The following BRIP1 variants were observed in gnomAD, a reference collection of about 807,000 sequenced individuals.
BRIP1 encodes the protein BRCA1 interacting DNA helicase 1.
BRIP1 carries 88 observed loss-of-function variants against 119.7 expected under a neutral mutation model. The ratio of observed to expected loss-of-function variants is 0.74; its 90% CI spans 0.62 to 0.88. The LOEUF (loss-of-function observed/expected upper bound fraction) is 0.88, where lower values mean the gene tolerates loss of function less well. BRIP1 is among the 40% of genes least tolerant of loss of function. The probability of loss-of-function intolerance (pLI) is 0.00; values close to 1 mark genes in which losing one functional copy is unlikely to be tolerated. For synonymous variants in BRIP1, 443 were observed against 496.5 expected, an observed-to-expected ratio of 0.89 and a Z score of 1.43; for missense variants, 1,259 against 1,455.4, an observed-to-expected ratio of 0.87 and a Z score of 2.20.
rs919143537 is a variant in BRIP1 at position 61,851,342 on chromosome 17, A to G, written c.380-2086T>C. Among the ~76,000 whole-genome samples, 11 of 152,220 alleles carry G rather than the reference A, an allele frequency of 7.2e-5. No homozygotes were observed. Among genetic ancestry groups the G allele is most frequent in the Admixed American group, 2.0e-4 (3 of 15,288 alleles). ...TTATGAGTCATGTTTCTTTCTTTAT[A>G]AGGTTCTTAGAAACACAGTTTGAAA... On this transcript the variant is annotated intron_variant, in intron 4 of 19. Coordinates refer to ENST00000259008, the MANE Select transcript of BRIP1 (RefSeq NM_032043.3). The surrounding 1 kb of genome is among the most constrained non-coding windows in gnomAD (Gnocchi z 4.6).
In BRIP1 at chr17:61,769,800, C is replaced by T. The variant is rs1372112785; in HGVS notation, c.2097+6601G>A. On this transcript the variant is annotated intron_variant, in intron 14 of 19. Coordinates refer to ENST00000259008, the MANE Select transcript of BRIP1 (RefSeq NM_032043.3). This position sits in a 1 kb window ranked among gnomAD's most constrained non-coding sequence, Gnocchi z 4.9. ...AAGATATGCTTACTGGGACAGCGGC[C>T]ACTAAAACATAAATTGACAGAAATA... is the stretch of plus-strand genomic sequence containing the variant. Among the ~76,000 whole-genome samples the T allele has an allele frequency of 6.6e-6, 1 of 152,084 alleles. No homozygotes were observed.
rs1236721435 is a variant in BRIP1 at position 61,795,682 on chromosome 17, TCTTGACTA to T, written c.1341-1961_1341-1954del. On this transcript the variant is annotated intron_variant, in intron 9 of 19. Transcript: ENST00000259008. This position sits in a 1 kb window ranked among gnomAD's most constrained non-coding sequence, Gnocchi z 5.6. ...GATGGACATTTAGGCTGCTTTCAAA[TCTTGACTA>T]TTGTGAATAGTGCTGCAGCAAACAT... is the stretch of plus-strand genomic sequence containing the variant. 6.6e-6 allele frequency among the ~76,000 whole-genome samples: 1 copy of T among 152,168 alleles called. No individual in the cohort carries two copies. The highest frequency in any genetic ancestry group is 1.5e-5 in the Non-Finnish European group (1 of 68,008).
chr17:61,831,357 C>G lies in BRIP1; in HGVS notation c.627+15744G>C, dbSNP rs1443070052. On this transcript the variant is annotated intron_variant, in intron 6 of 19. Transcript: ENST00000259008. This position sits in a 1 kb window ranked among gnomAD's most constrained non-coding sequence, Gnocchi z 4.1. ...TACTTAGAAAGTCCTAAAGAAACTC[C>G]AAAAATATCAACTAGAACCAATAAG... 6.6e-6 allele frequency among the ~76,000 whole-genome samples: 1 copy of G among 152,106 alleles called. No homozygotes were observed. The highest frequency in any genetic ancestry group is 1.5e-5 in the Non-Finnish European group (1 of 68,012).
intron 16 of BRIP1, among the ~76,000 whole-genome samples, chr17:61,733,572 A>C (rs972174445): frequency 1.6e-4 from 25 of 152,174 alleles, no homozygotes; most frequent in Non-Finnish European, 3.1e-4. Context: ...AGTAACTAAT[A>C]TAACTAAAAT....
intron 16 of BRIP1, among the ~76,000 whole-genome samples, chr17:61,741,066 A>C (rs538731472): frequency 6.6e-6 from 1 of 152,174 alleles, no homozygotes. Flanking sequence ...TCATGCACTA[A>C]GTTTATTTAA....
At chr17:61,855,935 A>C (rs1247070406) in intron 4 of BRIP1, among the ~76,000 whole-genome samples, 3 of 152,168 alleles carry the variant, frequency 2.0e-5, no homozygotes, top group African/African-American at 7.2e-5. Context: ...GACAGACTAT[A>C]ATAGGAAAAT....
rs576592323 is a variant in BRIP1 at position 61,709,536 on chromosome 17, T to C, written c.2492+6415A>G. Among the ~76,000 whole-genome samples the C allele has an allele frequency of 6.6e-6, 1 of 152,336 alleles. No individual in the cohort carries two copies. Among genetic ancestry groups the C allele is most frequent in the East Asian group, 1.9e-4 (1 of 5,188 alleles). On this transcript the variant is annotated intron_variant, in intron 17 of 19. Transcript: ENST00000259008. The surrounding 1 kb of genome is among the most constrained non-coding windows in gnomAD (Gnocchi z 5.0). ...ATATTGTCAATACTACAGAAGAGTA[T>C]TGAAAGTCAATGGAAAGTCAGTGTG...
At chr17:61,723,607 C>T (rs1327673166) in intron 16 of BRIP1, among the ~76,000 whole-genome samples, 1 of 152,140 alleles carries the variant, frequency 6.6e-6, no homozygotes, top group Admixed American at 6.5e-5. Flanking sequence ...AGAAAGTAAG[C>T]ACCATAAACT....
chr17:61,679,817 T>C lies in BRIP1; in HGVS notation c.*3479A>G, dbSNP rs573351550. Among the ~76,000 whole-genome samples the C allele has an allele frequency of 5.8e-4, 88 of 152,328 alleles. No individual in the cohort carries two copies. The South Asian group carries it at 0.018, about 31-fold the overall frequency. ...ATTTCTTTTAAAAGTATGTTATCAG[T>C]AATGAAAATGGCCTACATCCTACTC... On this transcript the variant is annotated 3_prime_UTR_variant, in exon 20 of 20. Coordinates refer to ENST00000259008, the MANE Select transcript of BRIP1 (RefSeq NM_032043.3). This position sits in a 1 kb window ranked among gnomAD's most constrained non-coding sequence, Gnocchi z 4.4.
rs891842186 is a variant in BRIP1, at chr17:61,772,649, T to C, written c.2097+3752A>G. 4.0e-5 allele frequency among the ~76,000 whole-genome samples: 6 copies of C among 151,844 alleles called. No individual in the cohort carries two copies. The South Asian group carries it at 6.3e-4, about 16-fold the overall frequency. On this transcript the variant is annotated intron_variant, in intron 14 of 19. Coordinates refer to ENST00000259008, the MANE Select transcript of BRIP1 (RefSeq NM_032043.3). The stretch of plus-strand genomic sequence containing the variant: ...GCCTGACCAACCTGGAGAAACCCCA[T>C]CTCTACTAAAAATACAAAATTAGCC...
At chr17:61,854,523 G>A (rs1188105011) in intron 4 of BRIP1, among the ~76,000 whole-genome samples, 3 of 151,742 alleles carry the variant, frequency 2.0e-5, no homozygotes, top group Non-Finnish European at 4.4e-5. Flanking sequence ...CCTGACCAAC[G>A]TGGTGAAACC....
rs780120715 is a variant in BRIP1, at chr17:61,754,138, A to C, written c.2098-9547T>G. ...TACAGCAGCCAACATAATCCTTTTA[A>C]AACTAAGTTTAAACCCTCCAATGGC... On this transcript the variant is annotated intron_variant, in intron 14 of 19. Transcript: ENST00000259008. The surrounding 1 kb of genome is among the most constrained non-coding windows in gnomAD (Gnocchi z 4.1). 7.2e-5 allele frequency among the ~76,000 whole-genome samples: 11 copies of C among 152,136 alleles called. No individual in the cohort carries two copies. The highest frequency in any genetic ancestry group is 1.3e-4 in the Admixed American group (2 of 15,260).
Position 61,770,155 on chromosome 17 carries a change from G to T in BRIP1, c.2097+6246C>A, listed in dbSNP as rs2077427091. ...GCAGCTCCCTGCCATCTAATCTTATGATATGAATGAAGAGCTCAGAAACAC... is the reference window on the plus strand; with the variant it reads ...GCAGCTCCCTGCCATCTAATCTTATTATATGAATGAAGAGCTCAGAAACAC... On this transcript the variant is annotated intron_variant, in intron 14 of 19. Coordinates refer to ENST00000259008, the MANE Select transcript of BRIP1 (RefSeq NM_032043.3). The surrounding 1 kb of genome is among the most constrained non-coding windows in gnomAD (Gnocchi z 4.7). Among the ~76,000 whole-genome samples, 1 of 152,230 alleles carries T rather than the reference G, an allele frequency of 6.6e-6. No individual in the cohort carries two copies. The highest frequency in any genetic ancestry group is 2.4e-5 in the African/African-American group (1 of 41,466).
intron 14 of BRIP1, among the ~76,000 whole-genome samples, chr17:61,765,592 T>G (rs1236633325): frequency 2.7e-5 from 4 of 149,340 alleles, no homozygotes; most frequent in Non-Finnish European, 5.9e-5. Context: ...TGTGCCACCA[T>G]GTCCGGTTAA....
rs138483809 is a variant in BRIP1, at chr17:61,828,171, T to C, written c.627+18930A>G. On this transcript the variant is annotated intron_variant, in intron 6 of 19. Transcript: ENST00000259008. This position sits in a 1 kb window ranked among gnomAD's most constrained non-coding sequence, Gnocchi z 4.1. Reference sequence around the variant, plus strand: ...AACAACCCAGATGTCCACTGGCAGATGAACGGACAAACAAAATGTGGTATA... The same window carrying C: ...AACAACCCAGATGTCCACTGGCAGACGAACGGACAAACAAAATGTGGTATA... Among the ~76,000 whole-genome samples, 6 of 152,194 alleles carry C rather than the reference T, an allele frequency of 3.9e-5. No individual in the cohort carries two copies. The highest frequency in any genetic ancestry group is 1.9e-4 in the East Asian group (1 of 5,202).
rs2077514278 is a variant in BRIP1, at chr17:61,775,136, A to G, written c.2097+1265T>C. 6.6e-6 allele frequency among the ~76,000 whole-genome samples: 1 copy of G among 152,196 alleles called. No homozygotes were observed. The highest frequency in any genetic ancestry group is 1.5e-5 in the Non-Finnish European group (1 of 68,008). On this transcript the variant is annotated intron_variant, in intron 14 of 19. Transcript: ENST00000259008. The surrounding 1 kb of genome is among the most constrained non-coding windows in gnomAD (Gnocchi z 4.4). ...GTAAGACCAACTCCCTACAAGTTTTATTGTATGACTTAGTATCAAGCTTAA... is the reference window on the plus strand; with the variant it reads ...GTAAGACCAACTCCCTACAAGTTTTGTTGTATGACTTAGTATCAAGCTTAA...
In BRIP1 at chr17:61,705,727, C is replaced by G. The variant is rs559260270; in HGVS notation, c.2492+10224G>C. Among the ~76,000 whole-genome samples, 1 of 152,126 alleles carries G rather than the reference C, an allele frequency of 6.6e-6. No individual in the cohort carries two copies. Among genetic ancestry groups the G allele is most frequent in the East Asian group, 1.9e-4 (1 of 5,184 alleles). On this transcript the variant is annotated intron_variant, in intron 17 of 19. Coordinates refer to ENST00000259008, the MANE Select transcript of BRIP1 (RefSeq NM_032043.3). The surrounding 1 kb of genome is among the most constrained non-coding windows in gnomAD (Gnocchi z 5.0). ...TCTGAGCACTGCTTTAGCTGCAGTC[C>G]TTACATTTTGATATGCTGTATTTTC...
rs1458127114 is a variant in BRIP1, at chr17:61,754,914, C to T, written c.2098-10323G>A. ...ACCGCAATTACTTCCTTAGAGGCCC[C>T]ATCTCCAAATATAACCACACTGGGG... On this transcript the variant is annotated intron_variant, in intron 14 of 19. Transcript: ENST00000259008. This position sits in a 1 kb window ranked among gnomAD's most constrained non-coding sequence, Gnocchi z 4.1. Among the ~76,000 whole-genome samples, 1 of 152,158 alleles carries T rather than the reference C, an allele frequency of 6.6e-6. No homozygotes were observed. The highest frequency in any genetic ancestry group is 1.5e-5 in the Non-Finnish European group (1 of 68,022).
Position 61,744,886 on chromosome 17 carries a change from TCTA to T in BRIP1, c.2098-298_2098-296del, listed in dbSNP as rs956909710. 6.6e-6 allele frequency among the ~76,000 whole-genome samples: 1 copy of T among 151,442 alleles called. No individual in the cohort carries two copies. The highest frequency in any genetic ancestry group is 2.4e-5 in the African/African-American group (1 of 41,254). On this transcript the variant is annotated intron_variant, in intron 14 of 19. Transcript: ENST00000259008. This position sits in a 1 kb window ranked among gnomAD's most constrained non-coding sequence, Gnocchi z 5.0. ...TACTACTACTATTACTACTACTACT[TCTA>T]CTATTATCTTGGCAATTTCTACCAC...
Sources: gnomAD v4.1 joint callset for allele counts (sites outside exome capture counted in the v4.1 genomes callset) on GRCh38, gnomAD v4.1.1 for gene constraint, Gnocchi (gnomAD v3.1) non-coding constraint, MANE v1.5 for transcripts, NCBI Gene and HGNC (gene_info 2026-07-23, HGNC 2026-07-21) for gene names.